The following CENPU variants were observed in gnomAD, a reference collection of about 807,000 sequenced individuals.
CENPU encodes KSHV latent nuclear antigen interacting protein 1.
A neutral mutation model predicts 56.7 loss-of-function variants in CENPU; 46 were observed. The ratio of observed to expected loss-of-function variants is 0.81; its 90% CI spans 0.64 to 1.04. CENPU has a LOEUF of 1.04. CENPU is among the 50% of genes least tolerant of loss of function. The pLI is 0.00. For missense variants in CENPU, 510 were observed against 490.1 expected, an observed-to-expected ratio of 1.04 and a Z score of -0.38; for synonymous variants, 166 against 163.0, an observed-to-expected ratio of 1.02 and a Z score of -0.14.
At chr4:184,727,116 C>CA (rs59124760) in intron 3 of CENPU, among the ~76,000 whole-genome samples, 2,509 of 86,636 alleles carry the variant, frequency 0.029, 75 homozygotes, top group African/African-American at 0.082. Context: ...ACTTCGTCTC[C>CA]AAAAAAAAAA....
intron 8 of CENPU, among the ~76,000 whole-genome samples, chr4:184,708,720 G>A (rs1012235817): frequency 2.0e-5 from 3 of 152,128 alleles, no homozygotes; most frequent in Non-Finnish European, 4.4e-5. Flanking sequence ...TCAAATTCAA[G>A]GGTATAATCA....
chr4:184,723,273 G>A (rs191059857), intron 4 of CENPU, among the ~76,000 whole-genome samples: 3 of 152,260 alleles, frequency 2.0e-5, no homozygotes, highest in African/African-American at 7.2e-5. Flanking sequence ...GACAAAAAAG[G>A]GTTAAAATGT....
intron 6 of CENPU, among the ~76,000 whole-genome samples, chr4:184,714,839 TA>T (rs1347794619): frequency 3.9e-5 from 6 of 152,030 alleles, no homozygotes; most frequent in Admixed American, 3.9e-4. Flanking sequence ...TAGCAGAAGT[TA>T]AAAAAATACC....
In CENPU at chr4:184,697,747, T is replaced by G; in HGVS notation, c.1043A>C (p.Lys348Thr). The stretch of plus-strand genomic sequence containing the variant: ...ATATGCTGCATTCCTAAGGGAAGAC[T>G]TTCTCTCTTTAAGTTCATCATATTT... ...QTKYDELKERKSSLRNAAYFL... is the reference protein window; with the variant it reads ...QTKYDELKERTSSLRNAAYFL... Residue 348 changes from lysine (K) to threonine (T), a missense_variant, in exon 12 of 13, where the codon AAG becomes ACG. Lys to Thr is a moderately conservative substitution (Grantham distance 78). Coordinates refer to ENST00000281453, the MANE Select transcript of CENPU (RefSeq NM_024629.4). 1 of 1,612,886 alleles carries G rather than the reference T, an allele frequency of 6.2e-7. No homozygotes were observed. The highest frequency in any genetic ancestry group is 8.5e-7 in the Non-Finnish European group (1 of 1,179,526).
At chr4:184,696,540 A>G (rs1390641369) in intron 12 of CENPU, among the ~76,000 whole-genome samples, 1 of 152,200 alleles carries the variant, frequency 6.6e-6, no homozygotes, top group Non-Finnish European at 1.5e-5. Context: ...AGGTAATTAA[A>G]AAAATACCTT....
chr4:184,705,268 C>G (rs1208097923), intron 8 of CENPU, among the ~76,000 whole-genome samples: 1 of 152,168 alleles, frequency 6.6e-6, no homozygotes, highest in Non-Finnish European at 1.5e-5. Flanking sequence ...CATACAACAG[C>G]TTGGATGAAT....
chr4:184,733,987 C>T, intron 1 of CENPU, 29 bp downstream of exon 1: 3 of 1,610,882 alleles, frequency 1.9e-6, no homozygotes, highest in Non-Finnish European at 2.5e-6. Flanking sequence ...GTCTCCGGCC[C>T]CGCGCTCCCG....
chr4:184,720,831 A>G (rs779598262), intron 4 of CENPU, among the ~76,000 whole-genome samples: 5 of 152,182 alleles, frequency 3.3e-5, no homozygotes, highest in Non-Finnish European at 7.3e-5. Flanking sequence ...TTCCCAAACA[A>G]AAGCTGAGAA....
intron 8 of CENPU, among the ~76,000 whole-genome samples, chr4:184,709,571 A>AT: frequency 1.3e-5 from 2 of 152,332 alleles, no homozygotes; most frequent in Middle Eastern, 3.4e-3. Context: ...AAGACAAAGT[A>AT]TGTTTAGGAA....
intron 4 of CENPU, among the ~76,000 whole-genome samples, chr4:184,719,601 T>C (rs1761206170): frequency 6.6e-6 from 1 of 152,156 alleles, no homozygotes; most frequent in Non-Finnish European, 1.5e-5. Context: ...CTCCTAGTGC[T>C]GAGCTGGGCT....
chr4:184,730,412 G>C (rs1188340721), intron 2 of CENPU, among the ~76,000 whole-genome samples: 1 of 151,630 alleles, frequency 6.6e-6, no homozygotes, highest in Non-Finnish European at 1.5e-5. Context: ...CTCCTTCCGG[G>C]GTGCCTGGCA....
intron 1 of CENPU, among the ~76,000 whole-genome samples, chr4:184,732,574 A>T (rs1437132824): frequency 1.3e-5 from 2 of 152,060 alleles, no homozygotes; most frequent in African/African-American, 4.8e-5. Flanking sequence ...ACTAGACCAC[A>T]TAAACTTCTT....
At position 184,723,344 on chromosome 4, in the gene CENPU, A is replaced by G. The variant is rs183318894; in HGVS notation, c.320+1613T>C. On this transcript the variant is annotated intron_variant, in intron 4 of 12. Transcript: ENST00000281453. ...CTGGAAGGACATATGAGAAATTAAT[A>G]ATAAGGGAGAGGGAAGAATCGGGTT... is the stretch of plus-strand genomic sequence containing the variant. Among the ~76,000 whole-genome samples, 22 of 152,308 alleles carry G rather than the reference A, an allele frequency of 1.4e-4. 1 individual carries two copies. The East Asian group carries it at 4.0e-3, about 28-fold the overall frequency.
Position 184,717,186 on chromosome 4 carries a change from A to G in CENPU, c.331T>C (p.Ser111Pro), listed in dbSNP as rs1761123296. 2 of 1,612,014 alleles carry G rather than the reference A, an allele frequency of 1.2e-6. No individual in the cohort carries two copies. Among genetic ancestry groups the G allele is most frequent in the African/African-American group, 2.7e-5 (2 of 74,942 alleles). Residue 111 changes from serine to proline, a missense_variant, in exon 5 of 13, where the codon TCT (serine) becomes CCT (proline). Ser to Pro is a moderately conservative substitution (Grantham distance 74). Transcript: ENST00000281453. ...TCGATTTCACTTGCTTCATTTCCAGAAGTGTCTGAACTGTAAAAAGTACAA... is the reference window on the plus strand; with the variant it reads ...TCGATTTCACTTGCTTCATTTCCAGGAGTGTCTGAACTGTAAAAAGTACAA... ...GKEAKRSSDT[S>P]GNEASEIESV...
chr4:184,733,341 T>C, intron 1 of CENPU: 1 of 986,484 alleles, frequency 1.0e-6, no homozygotes, highest in Non-Finnish European at 1.2e-6. Flanking sequence ...GAACTCCTGT[T>C]CTCTTCAGAT....
intron 8 of CENPU, among the ~76,000 whole-genome samples, chr4:184,709,455 C>T (rs1760846287): frequency 6.6e-6 from 1 of 151,480 alleles, no homozygotes; most frequent in Non-Finnish European, 1.5e-5. Flanking sequence ...CCACTCTACT[C>T]CAGCCTGGAG....
rs948721300 is a variant in CENPU, at chr4:184,731,423, T to C, written c.48-455A>G. Among the ~76,000 whole-genome samples, 4 of 152,204 alleles carry C rather than the reference T, an allele frequency of 2.6e-5. No homozygotes were observed. In the South Asian group the frequency reaches 8.3e-4, roughly 32 times the overall value. ...AGGGAGACAAGCCTGCATTAAAATTTACATCAGTTCAAATCCAGGGCCTGC... is the reference window on the plus strand; with the variant it reads ...AGGGAGACAAGCCTGCATTAAAATTCACATCAGTTCAAATCCAGGGCCTGC... On this transcript the variant is annotated intron_variant, in intron 1 of 12. Transcript: ENST00000281453.
chr4:184,712,971 TCTTC>T lies in CENPU; in HGVS notation c.657_660del (p.Lys220AsnfsTer7). On this transcript the variant is annotated frameshift_variant, in exon 7 of 13. Transcript: ENST00000281453. LOFTEE classifies it high-confidence loss of function. ...GAGCCTATGGCTTTACTTCTTGATT[TCTTC>T]CTTTTGTCATGAGATATCTTCCCTT... The T allele has an allele frequency of 6.3e-7, 1 of 1,595,100 alleles. No individual in the cohort carries two copies. The highest frequency in any genetic ancestry group is 8.5e-7 in the Non-Finnish European group (1 of 1,169,918).
chr4:184,695,012 A>T lies in CENPU; in HGVS notation c.*276T>A. The T allele has an allele frequency of 1.8e-6, 1 of 543,566 alleles. No homozygotes were observed. The allele number at this position is 543,566 out of a possible 1,614,324, so 33.7% of individuals were successfully genotyped here. On this transcript the variant is annotated 3_prime_UTR_variant, in exon 13 of 13. Coordinates refer to ENST00000281453, the MANE Select transcript of CENPU (RefSeq NM_024629.4). ...TATGTTCACATCAACTTAATTTTAC[A>T]AGTTTATTATAGCTCATACCTGGGA...
Sources: gnomAD v4.1 joint callset for allele counts (sites outside exome capture counted in the v4.1 genomes callset) on GRCh38, gnomAD v4.1.1 for gene constraint, MANE v1.5 for transcripts, NCBI Gene and HGNC (gene_info 2026-07-23, HGNC 2026-07-21) for gene names.